The following NCOA7 variants were observed in gnomAD, a reference collection of about 807,000 sequenced individuals.
The protein encoded by NCOA7 is 140 kDa estrogen receptor-associated protein.
Under a neutral mutation model 104.3 loss-of-function variants are expected in NCOA7, and 45 were observed. The ratio of observed to expected loss-of-function variants is 0.43; its 90% CI spans 0.34 to 0.55. NCOA7 has a LOEUF of 0.55. Among genes scored for constraint, NCOA7 ranks in the 20% least tolerant of loss-of-function variants. NCOA7 has a pLI of 0.02. For missense variants in NCOA7, 1,041 were observed against 1,119.7 expected, an observed-to-expected ratio of 0.93 and a Z score of 1.00; for synonymous variants, 398 against 402.3, an observed-to-expected ratio of 0.99 and a Z score of 0.13.
intron 10 of NCOA7, among the ~76,000 whole-genome samples, chr6:125,907,588 C>T (rs1363721604): frequency 1.3e-5 from 2 of 152,168 alleles, no homozygotes; most frequent in Non-Finnish European, 2.9e-5. Context: ...AAGTAGTTGG[C>T]CCATACTATG....
rs369365165 is a variant in NCOA7 at position 125,870,830 on chromosome 6, T to C, written c.272-4059T>C. On this transcript the variant is annotated intron_variant, in intron 3 of 15. Transcript: ENST00000392477. ...GTGGCAAGGGAGGTGGCAGGACTTA[T>C]GGACAGGGCACCAAGATCCACTTGG... is the stretch of plus-strand genomic sequence containing the variant. Among the ~76,000 whole-genome samples the C allele has an allele frequency of 3.5e-4, 53 of 152,292 alleles. No individual in the cohort carries two copies. In the South Asian group the frequency reaches 9.9e-3, roughly 29 times the overall value.
At chr6:125,885,425 T>C (rs750631630) in intron 8 of NCOA7, 82 bp downstream of exon 8, 2 of 1,396,132 alleles carry the variant, frequency 1.4e-6, no homozygotes, top group Non-Finnish European at 2.0e-6. Context: ...ATTTGCATGA[T>C]TGAGGGATTG....
At chr6:125,836,617 A>G (rs1303925518) in intron 2 of NCOA7, among the ~76,000 whole-genome samples, 1 of 152,216 alleles carries the variant, frequency 6.6e-6, no homozygotes, top group African/African-American at 2.4e-5. Context: ...GGCTTAATGC[A>G]GGAGTATGGA....
chr6:125,890,534 C>T, intron 9 of NCOA7, 108 bp from the exon 10 acceptor site: 1 of 1,073,402 alleles, frequency 9.3e-7, no homozygotes, highest in Admixed American at 2.9e-5. Flanking sequence ...GATGTTTCTG[C>T]AATGTTTTGA....
intron 10 of NCOA7, chr6:125,900,114 T>C (rs1785370352): frequency 2.0e-6 from 1 of 495,514 alleles, no homozygotes; most frequent in East Asian, 5.9e-5. Context: ...GGGTTAATTA[T>C]AGAGCTCCTT....
chr6:125,842,296 C>T (rs1224034025), intron 2 of NCOA7, among the ~76,000 whole-genome samples: 1 of 152,170 alleles, frequency 6.6e-6, no homozygotes, highest in Non-Finnish European at 1.5e-5. Context: ...GACAGAGTCG[C>T]TGGCATCATT....
intron 2 of NCOA7, among the ~76,000 whole-genome samples, chr6:125,838,981 G>A (rs1187820121): frequency 6.6e-6 from 1 of 152,036 alleles, no homozygotes. Context: ...GCCCTCTCTG[G>A]GTGCACCACC....
At chr6:125,904,396 AG>A (rs147304954) in intron 10 of NCOA7, among the ~76,000 whole-genome samples, 10 of 152,236 alleles carry the variant, frequency 6.6e-5, no homozygotes, top group Non-Finnish European at 1.3e-4. Flanking sequence ...TCCTTTTTAC[AG>A]AATTCTTTGT....
chr6:125,802,849 A>G (rs1488404607), intron 1 of NCOA7, among the ~76,000 whole-genome samples: 2 of 152,212 alleles, frequency 1.3e-5, no homozygotes, highest in African/African-American at 2.4e-5. Flanking sequence ...AATATTACAC[A>G]CATAATTTTT....
intron 10 of NCOA7, among the ~76,000 whole-genome samples, chr6:125,903,855 G>A (rs1289795400): frequency 6.6e-6 from 1 of 151,902 alleles, no homozygotes; most frequent in Non-Finnish European, 1.5e-5. Flanking sequence ...ACAGGTGTGT[G>A]CCATCATGCC....
At chr6:125,923,537 G>A (rs964318482) in intron 13 of NCOA7, among the ~76,000 whole-genome samples, 1 of 152,140 alleles carries the variant, frequency 6.6e-6, no homozygotes, top group Non-Finnish European at 1.5e-5. Flanking sequence ...CTTGCATCAT[G>A]AAAGGAAGAC....
At chr6:125,887,146 C>G (rs1449063281) in intron 8 of NCOA7, among the ~76,000 whole-genome samples, 1 of 152,142 alleles carries the variant, frequency 6.6e-6, no homozygotes, top group Non-Finnish European at 1.5e-5. Context: ...AAGGGGTAGA[C>G]AAGGTAATCT....
At chr6:125,917,342 C>A (rs767317619) in intron 11 of NCOA7, among the ~76,000 whole-genome samples, 1 of 152,112 alleles carries the variant, frequency 6.6e-6, no homozygotes, top group Non-Finnish European at 1.5e-5. Context: ...TCTCATCTAC[C>A]TTCCTCATCA....
intron 3 of NCOA7, among the ~76,000 whole-genome samples, chr6:125,867,728 C>A (rs1321171005): frequency 1.3e-5 from 2 of 152,120 alleles, no homozygotes; most frequent in African/African-American, 4.8e-5. Context: ...TAGTGCATAC[C>A]ACTAAATTGG....
intron 1 of NCOA7, among the ~76,000 whole-genome samples, chr6:125,806,202 A>T (rs955202225): frequency 1.3e-5 from 2 of 152,148 alleles, no homozygotes; most frequent in Non-Finnish European, 2.9e-5. Context: ...TTAGCTGGGC[A>T]TGGTGGCAGG....
At chr6:125,801,112 A>C (rs1775848999) in intron 1 of NCOA7, among the ~76,000 whole-genome samples, 1 of 152,238 alleles carries the variant, frequency 6.6e-6, no homozygotes, top group African/African-American at 2.4e-5. Flanking sequence ...TGAGTTTGTT[A>C]GTGTAAAATT....
chr6:125,893,600 T>TG (rs1282165971), intron 10 of NCOA7, among the ~76,000 whole-genome samples: 11 of 151,570 alleles, frequency 7.3e-5, no homozygotes, highest in Admixed American at 4.6e-4. Context: ...GGCGGGGCTG[T>TG]GGGGGGGCCA....
chr6:125,880,313 A>G (rs1783714447), intron 5 of NCOA7, among the ~76,000 whole-genome samples: 1 of 152,054 alleles, frequency 6.6e-6, no homozygotes, highest in Non-Finnish European at 1.5e-5. Flanking sequence ...TCTACCTGGC[A>G]CAGATATTAA....
Position 125,889,719 on chromosome 6 carries a change from AATAGAC to A in NCOA7, c.1668_1673del (p.Asp557_Ile558del), listed in dbSNP as rs762487874. 5.6e-6 allele frequency: 9 copies of A among 1,613,840 alleles called. No homozygotes were observed. Among genetic ancestry groups the A allele is most frequent in the Non-Finnish European group, 6.8e-6 (8 of 1,179,966 alleles). On this transcript the variant is annotated inframe_deletion, in exon 9 of 16. Transcript: ENST00000392477. ...ATGGAAAAAGTATTGAACCAGGGGG[AATAGAC>A]ATTACCCTTAGTAGTTCTCTTTCCC...
Sources: allele counts gnomAD v4.1 joint callset (sites outside exome capture counted in the v4.1 genomes callset), GRCh38; gene constraint gnomAD v4.1.1; transcripts MANE v1.5; gene names NCBI Gene and HGNC (gene_info 2026-07-23, HGNC 2026-07-21).